Variants in RFFL observed in about 807,000 individuals in gnomAD.
RFFL encodes E3 ubiquitin-protein ligase rififylin.
In RFFL, 16 loss-of-function variants were observed where a neutral mutation model predicts 40.4. That is an observed-to-expected ratio of 0.40 (90% CI 0.27 to 0.60). The LOEUF (loss-of-function observed/expected upper bound fraction) is 0.60. RFFL is among the 20% of genes least tolerant of loss of function. The pLI, the probability that RFFL is intolerant of heterozygous loss-of-function variation, is 0.47. For synonymous variants in RFFL, 154 were observed against 167.9 expected (o/e 0.92, Z 0.64); for missense variants, 367 against 451.7 (o/e 0.81, Z 1.70).
At chr17:35,089,164 C>T (rs1159600613) in exon 1 of RFFL, 1 of 152,068 alleles carries the variant, frequency 6.6e-6, no homozygotes, top group Non-Finnish European at 1.5e-5. Flanking sequence ...GGGGCCGGAT[C>T]CCGGCCGCGG....
intron 1 of RFFL, among the ~76,000 whole-genome samples, chr17:35,030,807 G>C (rs2142332927): frequency 6.6e-6 from 1 of 152,042 alleles, no homozygotes; most frequent in East Asian, 1.9e-4. Context: ...AAAGAATATA[G>C]AATCTGGAAT....
chr17:35,017,722 C>A, intron 3 of RFFL, 116 bp from the exon 4 acceptor site: 1 of 712,554 alleles, frequency 1.4e-6, no homozygotes, highest in Non-Finnish European at 2.5e-6. Context: ...CCCAGAAATC[C>A]GGAGCCTCTT....
At chr17:35,077,690 A>T (rs2091383985) in intron 1 of RFFL, among the ~76,000 whole-genome samples, 1 of 152,240 alleles carries the variant, frequency 6.6e-6, no homozygotes, top group Admixed American at 6.5e-5. Flanking sequence ...TAAACCAGCA[A>T]GGAGGCACCC....
intron 1 of RFFL, among the ~76,000 whole-genome samples, chr17:35,039,740 C>T (rs1016481307): frequency 4.0e-5 from 6 of 151,494 alleles, no homozygotes; most frequent in African/African-American, 1.5e-4. Flanking sequence ...TGCAATGGCA[C>T]GATCTCAGTT....
chr17:35,059,022 T>C (rs2091276774), intron 1 of RFFL, among the ~76,000 whole-genome samples: 1 of 148,188 alleles, frequency 6.7e-6, no homozygotes, highest in Non-Finnish European at 1.5e-5. Context: ...CTAGAATTTT[T>C]TTTTTTTTTT....
In RFFL at chr17:35,010,800, A is replaced by G. The variant is rs2090933128; in HGVS notation, c.*1168T>C. On this transcript the variant is annotated 3_prime_UTR_variant, in exon 7 of 7. Coordinates refer to ENST00000394597, the MANE Select transcript of RFFL (RefSeq NM_001017368.2). Reference sequence around the variant, plus strand: ...ACCTGCCCCCAAAAATCAGTGGGCTAGGAAAGGGAATGAAAGTAGGGTCTC... The same window carrying G: ...ACCTGCCCCCAAAAATCAGTGGGCTGGGAAAGGGAATGAAAGTAGGGTCTC... The G allele has an allele frequency of 6.6e-6, 1 of 151,868 alleles. No individual in the cohort carries two copies. Among genetic ancestry groups the G allele is most frequent in the Admixed American group, 6.6e-5 (1 of 15,250 alleles). The allele number at this position is 151,868 out of a possible 1,614,324, so 9.4% of individuals were successfully genotyped here.
At chr17:35,087,711 T>C (rs2091438041) in intron 1 of RFFL, among the ~76,000 whole-genome samples, 1 of 152,240 alleles carries the variant, frequency 6.6e-6, no homozygotes, top group South Asian at 2.1e-4. Flanking sequence ...TATGAAAATA[T>C]ACCCAAATAT....
intron 3 of RFFL, among the ~76,000 whole-genome samples, chr17:35,021,012 T>G (rs555068675): frequency 6.6e-6 from 1 of 152,228 alleles, no homozygotes; most frequent in Non-Finnish European, 1.5e-5. Flanking sequence ...CAATGAAGAC[T>G]GCAACAAAGG....
At position 35,006,823 on chromosome 17, in the gene RFFL, C is replaced by G. The variant is rs2090898743; in HGVS notation, c.*5145G>C. The G allele has an allele frequency of 6.6e-6, 1 of 152,308 alleles. No individual in the cohort carries two copies. Among genetic ancestry groups the G allele is most frequent in the African/African-American group, 2.4e-5 (1 of 41,300 alleles). The allele number at this position is 152,308 out of a possible 1,614,324, so 9.4% of individuals were successfully genotyped here. On this transcript the variant is annotated 3_prime_UTR_variant, in exon 7 of 7. Coordinates refer to ENST00000394597, the MANE Select transcript of RFFL (RefSeq NM_001017368.2). ...CCCTGGCCACCCCACCGCCCCCCCC[C>G]AACTTTGATCTGATTGACTTTGGCT...
At chr17:35,083,771 ACT>A (rs1450218800) in intron 1 of RFFL, among the ~76,000 whole-genome samples, 2 of 148,672 alleles carry the variant, frequency 1.3e-5, no homozygotes, top group Non-Finnish European at 3.0e-5. Context: ...ACAGAGCAAG[ACT>A]CTGTCTCAAA....
At chr17:35,058,342 T>A (rs1349057226) in intron 1 of RFFL, among the ~76,000 whole-genome samples, 3 of 152,240 alleles carry the variant, frequency 2.0e-5, no homozygotes, top group African/African-American at 7.2e-5. Context: ...TAGGAGCTTA[T>A]GCTTGTAAAA....
upstream of RFFL, among the ~76,000 whole-genome samples, chr17:35,068,196 C>T (rs1207931010): frequency 6.6e-6 from 1 of 152,236 alleles, no homozygotes; most frequent in Non-Finnish European, 1.5e-5. Context: ...AGGCTTTTGA[C>T]TTCCTGATGA....
intron 1 of RFFL, among the ~76,000 whole-genome samples, chr17:35,057,379 AT>A (rs752696802): frequency 6.6e-6 from 1 of 151,974 alleles, no homozygotes; most frequent in Non-Finnish European, 1.5e-5. Context: ...CTCAAAAATT[AT>A]AAATTATTTA....
chr17:35,084,077 A>G (rs1022577414), intron 1 of RFFL, among the ~76,000 whole-genome samples: 2 of 151,944 alleles, frequency 1.3e-5, no homozygotes, highest in African/African-American at 4.8e-5. Flanking sequence ...TGCCTCTGCT[A>G]AAAACACAAA....
chr17:35,079,826 C>G (rs78417760), intron 1 of RFFL, among the ~76,000 whole-genome samples: 3,371 of 152,220 alleles, frequency 0.022, 104 homozygotes, highest in African/African-American at 0.077. Context: ...CTCTTCCCAC[C>G]CTCTCAGTAA....
intron 1 of RFFL, among the ~76,000 whole-genome samples, chr17:35,069,126 G>C (rs931123941): frequency 6.6e-6 from 1 of 152,116 alleles, no homozygotes; most frequent in Non-Finnish European, 1.5e-5. Flanking sequence ...TCTGAAGATT[G>C]CCTGAATTCA....
intron 1 of RFFL, among the ~76,000 whole-genome samples, chr17:35,055,959 C>T (rs1449981167): frequency 6.6e-6 from 1 of 152,008 alleles, no homozygotes; most frequent in Admixed American, 6.6e-5. Flanking sequence ...TCTCCGGGTC[C>T]CATTACTTCA....
chr17:35,022,696 A>G (rs962215892), intron 2 of RFFL, among the ~76,000 whole-genome samples: 4 of 152,050 alleles, frequency 2.6e-5, no homozygotes, highest in African/African-American at 4.8e-5. Flanking sequence ...CCTGGCTTCC[A>G]TCTCCAAATT....
chr17:35,047,799 T>A, intron 1 of RFFL, among the ~76,000 whole-genome samples: 1 of 151,514 alleles, frequency 6.6e-6, no homozygotes. Flanking sequence ...TCACCCAGGC[T>A]GGAATGCAGT....
Sources: gnomAD v4.1 joint callset for allele counts (sites outside exome capture counted in the v4.1 genomes callset) on GRCh38, gnomAD v4.1.1 for gene constraint, MANE v1.5 for transcripts, NCBI Gene and HGNC (gene_info 2026-07-23, HGNC 2026-07-21) for gene names.